The following ELAVL3 variants were observed in gnomAD, a reference collection of about 807,000 sequenced individuals.
ELAVL3 encodes ELAV-like protein 3.
ELAVL3 carries 8 observed loss-of-function variants against 34.2 expected under a neutral mutation model. The observed-to-expected ratio is 0.23, with a 90% confidence interval of 0.14 to 0.42. ELAVL3 has a LOEUF of 0.42. ELAVL3 is among the 10% of genes least tolerant of loss of function. The pLI is 1.00. For missense variants in ELAVL3, 273 were observed against 518.8 expected (o/e 0.53, Z 4.60); for synonymous variants, 209 against 222.1 (o/e 0.94, Z 0.53).
intron 1 of ELAVL3, among the ~76,000 whole-genome samples, chr19:11,473,709 G>A (rs1451167557): frequency 6.6e-6 from 1 of 152,194 alleles, no homozygotes; most frequent in East Asian, 1.9e-4. Context: ...AGATCATGCA[G>A]CATATAAATG....
intron 3 of ELAVL3, among the ~76,000 whole-genome samples, chr19:11,464,145 C>CTATA (rs1339701414): frequency 1.9e-5 from 2 of 107,796 alleles, no homozygotes; most frequent in East Asian, 2.9e-4. Flanking sequence ...CTCTCTCTCT[C>CTATA]TCTCTCTATA....
At chr19:11,470,822 C>G (rs918411522) in intron 1 of ELAVL3, among the ~76,000 whole-genome samples, 1 of 152,128 alleles carries the variant, frequency 6.6e-6, no homozygotes, top group East Asian at 1.9e-4. Context: ...TGAAGACCCT[C>G]GGAATGTGAA....
chr19:11,479,134 A>G (rs1210981196), intron 1 of ELAVL3, among the ~76,000 whole-genome samples: 1 of 152,196 alleles, frequency 6.6e-6, no homozygotes, highest in Non-Finnish European at 1.5e-5. Context: ...AGAACCGATC[A>G]GAGGACGCTT....
rs139647366 is a variant in ELAVL3 at position 11,475,358 on chromosome 19, C to T, written c.9+5242G>A. ...CTGTTTTTCATCATTATGGCCAATG[C>T]CTTGTCTCGCTATGTTGCCCAGGCT... On this transcript the variant is annotated intron_variant, in intron 1 of 6. Coordinates refer to ENST00000359227, the MANE Select transcript of ELAVL3 (RefSeq NM_001420.4). 2.9e-3 allele frequency among the ~76,000 whole-genome samples: 441 copies of T among 152,262 alleles called. 2 individuals carry two copies. Among genetic ancestry groups the T allele is most frequent in the African/African-American group, 9.7e-3 (404 of 41,542 alleles).
intron 3 of ELAVL3, among the ~76,000 whole-genome samples, chr19:11,461,454 TCCTCCCTCCCTCCCTC>T (rs144122978): frequency 2.2e-5 from 3 of 136,702 alleles, no homozygotes; most frequent in Non-Finnish European, 4.6e-5. Flanking sequence ...TATCTATTTT[TCCTCCCTCCCTCCCTC>T]CCTCCCTCCC....
chr19:11,454,968 G>A lies in ELAVL3; in HGVS notation c.753-91C>T, dbSNP rs1970738053. 4 of 1,394,522 alleles carry A rather than the reference G, an allele frequency of 2.9e-6. No individual in the cohort carries two copies. In the South Asian group the frequency reaches 5.5e-5, roughly 19 times the overall value. The allele number at this position is 1,394,522 out of a possible 1,614,324, so 86.4% of individuals were successfully genotyped here. ...TCACACCTTTATGACCCCTGACTGT[G>A]CCATGACCTTGGAATGGTGTGACCC... On this transcript the variant is annotated intron_variant, in intron 6 of 6. Coordinates refer to ENST00000359227, the MANE Select transcript of ELAVL3 (RefSeq NM_001420.4). This position sits in a 1 kb window ranked among gnomAD's most constrained non-coding sequence, Gnocchi z 9.2.
chr19:11,479,917 A>T (rs919895380), intron 1 of ELAVL3, among the ~76,000 whole-genome samples: 3 of 151,372 alleles, frequency 2.0e-5, no homozygotes, highest in Admixed American at 2.0e-4. Flanking sequence ...CCGGGAGCCC[A>T]GAGGTGCCCC....
chr19:11,470,394 G>A (rs1189782138), intron 1 of ELAVL3, among the ~76,000 whole-genome samples: 2 of 151,404 alleles, frequency 1.3e-5, no homozygotes, highest in Non-Finnish European at 2.9e-5. Context: ...GGCCGGGCAT[G>A]GTGGCTCACG....
intron 3 of ELAVL3, among the ~76,000 whole-genome samples, chr19:11,463,582 GAC>G (rs1014982556): frequency 6.6e-6 from 1 of 152,072 alleles, no homozygotes; most frequent in Admixed American, 6.6e-5. Context: ...ACATCGCGGT[GAC>G]ACACAAACAT....
intron 1 of ELAVL3, among the ~76,000 whole-genome samples, chr19:11,472,991 C>T (rs373925025): frequency 2.0e-4 from 31 of 151,490 alleles, no homozygotes; most frequent in East Asian, 7.8e-4. Context: ...CACTTGAATC[C>T]GGGAGGTGGA....
chr19:11,457,989 G>A (rs1260696259), intron 5 of ELAVL3, 72 bp downstream of exon 5: 2 of 1,500,064 alleles, frequency 1.3e-6, no homozygotes, highest in African/African-American at 2.7e-5. Flanking sequence ...CCTTCGGCAG[G>A]AATGGGGTTC....
chr19:11,461,095 C>T (rs1970874562), intron 3 of ELAVL3, among the ~76,000 whole-genome samples: 1 of 151,594 alleles, frequency 6.6e-6, no homozygotes, highest in Admixed American at 6.6e-5. Context: ...TGGAGGATCA[C>T]TTGAACCCAG....
chr19:11,469,526 C>A (rs371773758), intron 1 of ELAVL3, among the ~76,000 whole-genome samples: 1 of 151,026 alleles, frequency 6.6e-6, no homozygotes, highest in African/African-American at 2.4e-5. Context: ...GTGATCCACC[C>A]GCCTCAGCCT....
chr19:11,458,350 C>A lies in ELAVL3; in HGVS notation c.488-64G>T. Reference sequence around the variant, plus strand: ...CCCCTCCTGTGTAACCCCACTTCTCCCTTCCCTGCTTCATGCCCTGGCATC... The same window carrying A: ...CCCCTCCTGTGTAACCCCACTTCTCACTTCCCTGCTTCATGCCCTGGCATC... On this transcript the variant is annotated intron_variant, in intron 4 of 6. Coordinates refer to ENST00000359227, the MANE Select transcript of ELAVL3 (RefSeq NM_001420.4). The surrounding 1 kb of genome is among the most constrained non-coding windows in gnomAD (Gnocchi z 7.3). The A allele has an allele frequency of 6.2e-7, 1 of 1,606,506 alleles. No homozygotes were observed.
At chr19:11,463,789 G>A (rs1019375392) in intron 3 of ELAVL3, among the ~76,000 whole-genome samples, 4 of 151,986 alleles carry the variant, frequency 2.6e-5, no homozygotes, top group Non-Finnish European at 5.9e-5. Flanking sequence ...GACCAACATG[G>A]AGAAACCCTG....
In ELAVL3 at chr19:11,454,337, C is replaced by A; in HGVS notation, c.*189G>T. 1.6e-6 allele frequency: 1 copy of A among 611,146 alleles called. No homozygotes were observed. Among genetic ancestry groups the A allele is most frequent in the South Asian group, 2.1e-5 (1 of 46,670 alleles). 37.9% of individuals were successfully genotyped at this position (611,146 alleles called of 1,614,324 possible). On this transcript the variant is annotated 3_prime_UTR_variant, in exon 7 of 7. Coordinates refer to ENST00000359227, the MANE Select transcript of ELAVL3 (RefSeq NM_001420.4). The surrounding 1 kb of genome is among the most constrained non-coding windows in gnomAD (Gnocchi z 9.2). ...GGGGCGGGGGATCCCCGGGCACCCCCCCAATTCCCTGCAGACCCTCCCACC... is the reference window on the plus strand; with the variant it reads ...GGGGCGGGGGATCCCCGGGCACCCCACCAATTCCCTGCAGACCCTCCCACC...
At position 11,458,424 on chromosome 19, in the gene ELAVL3, C is replaced by A. The variant is rs183517990; in HGVS notation, c.487+34G>T. The A allele has an allele frequency of 1.2e-6, 2 of 1,613,082 alleles. No homozygotes were observed. The highest frequency in any genetic ancestry group is 1.1e-5 in the South Asian group (1 of 90,992). On this transcript the variant is annotated intron_variant, in intron 4 of 6. Transcript: ENST00000359227. The surrounding 1 kb of genome is among the most constrained non-coding windows in gnomAD (Gnocchi z 7.3). The stretch of plus-strand genomic sequence containing the variant: ...CCCACCTGACTGCCTTTGCCCAGCG[C>A]CCCCGCCAGGTGCACCCTCCCTGAC...
chr19:11,469,504 T>C (rs1409577047), intron 1 of ELAVL3, among the ~76,000 whole-genome samples: 3 of 151,804 alleles, frequency 2.0e-5, no homozygotes, highest in Middle Eastern at 3.2e-3. Context: ...GGTCTCGAAC[T>C]CTTGACCTCA....
At chr19:11,468,406 A>T (rs1026742500) in intron 1 of ELAVL3, among the ~76,000 whole-genome samples, 8 of 142,838 alleles carry the variant, frequency 5.6e-5, no homozygotes, top group East Asian at 2.1e-4. Context: ...TGGCTTCTTT[A>T]TTCCTGATTT....
Sources: allele counts gnomAD v4.1 joint callset (sites outside exome capture counted in the v4.1 genomes callset), GRCh38; gene constraint gnomAD v4.1.1; non-coding constraint Gnocchi (gnomAD v3.1); transcripts MANE v1.5; gene names NCBI Gene and HGNC (gene_info 2026-07-23, HGNC 2026-07-21).